The following CDKN2A variants were observed in gnomAD, a reference collection of about 807,000 sequenced individuals.
CDKN2A encodes cyclin dependent kinase inhibitor 2A, also known as cyclin-dependent kinase inhibitor 2A.
CDKN2A carries 3 observed loss-of-function variants against 11.1 expected under a neutral mutation model. That is an observed-to-expected ratio of 0.27 (90% CI 0.12 to 0.70). CDKN2A has a LOEUF of 0.70. Ranked by LOEUF, CDKN2A falls within the 30% of genes least tolerant of loss-of-function variation. The probability of loss-of-function intolerance (pLI) is 0.77; values close to 1 mark genes in which losing one functional copy is unlikely to be tolerated. For synonymous variants in CDKN2A, 122 were observed against 108.1 expected, an observed-to-expected ratio of 1.13 and a Z score of -0.80; for missense variants, 265 against 233.6, an observed-to-expected ratio of 1.13 and a Z score of -0.88.
chr9:21,976,164 A>C (rs1184100149), upstream of CDKN2A, among the ~76,000 whole-genome samples: 1 of 152,092 alleles, frequency 6.6e-6, no homozygotes, highest in African/African-American at 2.4e-5. Context: ...AGATCACCTG[A>C]GGTCAGGAGT....
At chr9:21,992,165 G>T in intron 2 of CDKN2A, 1 of 803,740 alleles carries the variant, frequency 1.2e-6, no homozygotes, top group Non-Finnish European at 1.5e-6. Context: ...CATCTTATTT[G>T]CAATGATATT....
rs1309311494 is a variant in CDKN2A at position 21,991,675 on chromosome 9, AAT to A, written c.-4+2205_-4+2206del. ...TGATAGTGATGAACTAACGTGGAAT[AAT>A]AGATCTGTAAACCATCATAGACGGT... On this transcript the variant is annotated intron_variant, in intron 2 of 3. Coordinates refer to the CDKN2A transcript ENST00000494262. The surrounding 1 kb of genome is among the most constrained non-coding windows in gnomAD (Gnocchi z 5.2). 27 of 984,730 alleles carry A rather than the reference AAT, an allele frequency of 2.7e-5. No homozygotes were observed. Among genetic ancestry groups the A allele is most frequent in the Admixed American group, 2.5e-4 (4 of 16,292 alleles). 61.0% of individuals were successfully genotyped at this position (984,730 alleles called of 1,614,324 possible).
At chr9:21,994,555 T>A in intron 1 of CDKN2A, 4 of 1,084,382 alleles carry the variant, frequency 3.7e-6, no homozygotes, top group Non-Finnish European at 4.9e-6. Flanking sequence ...ACCTCCAAGA[T>A]CTCGGAACGG....
At chr9:21,990,941 G>A (rs1363749507) in intron 2 of CDKN2A, among the ~76,000 whole-genome samples, 1 of 152,156 alleles carries the variant, frequency 6.6e-6, no homozygotes, top group Admixed American at 6.5e-5. Flanking sequence ...TTTCTTGATG[G>A]TGAAGTGTTT....
Position 21,991,072 on chromosome 9 carries a change from T to G in CDKN2A, c.-4+2810A>C, listed in dbSNP as rs531349183. ...ATATTCAATGTAAAAATTTTATATT[T>G]AGAAAATGAAACTGTACCCATTGTT... On this transcript the variant is annotated intron_variant, in intron 2 of 3. Transcript: ENST00000494262. This position sits in a 1 kb window ranked among gnomAD's most constrained non-coding sequence, Gnocchi z 5.2. 9.3e-4 allele frequency among the ~76,000 whole-genome samples: 142 copies of G among 152,344 alleles called. No homozygotes were observed. Among genetic ancestry groups the G allele is most frequent in the African/African-American group, 3.4e-3 (140 of 41,576 alleles).
At chr9:21,970,752 T>C (rs1240310069) in intron 2 of CDKN2A, 150 bp downstream of exon 2, 3 of 962,142 alleles carry the variant, frequency 3.1e-6, no homozygotes, top group Non-Finnish European at 4.8e-6. Flanking sequence ...GGCAGGGCGA[T>C]AGGGAGACTC....
At chr9:21,976,497 C>T (rs1308490009), upstream of CDKN2A, among the ~76,000 whole-genome samples, 2 of 152,114 alleles carry the variant, frequency 1.3e-5, no homozygotes. Flanking sequence ...AGGCGGATCA[C>T]CTGAGGCCAG....
chr9:21,975,435 C>T (rs545046728), upstream of CDKN2A, among the ~76,000 whole-genome samples: 1 of 152,196 alleles, frequency 6.6e-6, no homozygotes, highest in African/African-American at 2.4e-5. Context: ...CACCGAGAAT[C>T]GAAATCACCT....
intron 2 of CDKN2A, among the ~76,000 whole-genome samples, chr9:21,984,587 T>G (rs1159074602): frequency 6.6e-6 from 1 of 152,072 alleles, no homozygotes; most frequent in Non-Finnish European, 1.5e-5. Flanking sequence ...ATGCTGCTGA[T>G]GTACGCATGT....
At chr9:21,979,593 A>G (rs1820126883), upstream of CDKN2A, among the ~76,000 whole-genome samples, 2 of 152,194 alleles carry the variant, frequency 1.3e-5, no homozygotes, top group African/African-American at 4.8e-5. Context: ...GGAGGGAGAA[A>G]AGGTCAGAAC....
chr9:21,971,293 A>T, intron 1 of CDKN2A, 85 bp from the exon 2 acceptor site: 1 of 1,538,616 alleles, frequency 6.5e-7, no homozygotes, highest in Non-Finnish European at 8.7e-7. Flanking sequence ...CTCACCGCCA[A>T]GCAGACCCCC....
chr9:21,968,551 TA>T lies in CDKN2A; in HGVS notation c.458-310del. ...TTGCAAGAAGAAAACGAGTGTTATA[TA>T]ATGAGTCTCAGTGGTTGCTCACAAT... On this transcript the variant is annotated intron_variant, in intron 2 of 2. Transcript: ENST00000304494. The surrounding 1 kb of genome is among the most constrained non-coding windows in gnomAD (Gnocchi z 4.7). 6.9e-7 allele frequency: 1 copy of T among 1,457,440 alleles called. No homozygotes were observed. Among genetic ancestry groups the T allele is most frequent in the Non-Finnish European group, 9.0e-7 (1 of 1,112,700 alleles). The allele number at this position is 1,457,440 out of a possible 1,614,324, so 90.3% of individuals were successfully genotyped here. A position where few individuals can be genotyped will look rare whatever the true frequency, so the allele number is the denominator to read the frequency against.
chr9:21,971,244 G>A, intron 1 of CDKN2A, 36 bp from the exon 2 acceptor site: 1 of 1,585,002 alleles, frequency 6.3e-7, no homozygotes, highest in East Asian at 2.3e-5. Context: ...AGCCAGGGTG[G>A]GGGCCGGCAT....
In CDKN2A at chr9:21,974,753, T is replaced by A. The variant is rs980682752; in HGVS notation, c.75A>T (p.Val25=). The A allele has an allele frequency of 6.2e-7, 1 of 1,610,628 alleles. No individual in the cohort carries two copies. The part of the protein sequence containing the change: ...WLATAAARGR[V]EEVRALLEAG... ...CCTCCAGCAGCGCCCGCACCTCCTC[T>A]ACCCGACCCCGGGCCGCGGCCGTGG... Residue 25 remains valine, a synonymous_variant, in exon 1 of 3, where the codon GTA becomes GTT. Coordinates refer to ENST00000304494, the MANE Select transcript of CDKN2A (RefSeq NM_000077.5). The surrounding 1 kb of genome is among the most constrained non-coding windows in gnomAD (Gnocchi z 5.2).
chr9:21,993,890 G>A, exon 2 of CDKN2A: 1 of 572,604 alleles, frequency 1.7e-6, no homozygotes, highest in Non-Finnish European at 3.1e-6. Context: ...ACTGACTTCT[G>A]AGGTGGGTTT....
At chr9:21,981,748 C>A (rs1257547629) in intron 2 of CDKN2A, among the ~76,000 whole-genome samples, 1 of 151,912 alleles carries the variant, frequency 6.6e-6, no homozygotes, top group Non-Finnish European at 1.5e-5. Flanking sequence ...GAAGCTGCCC[C>A]GGATAAAAAT....
Position 21,970,805 on chromosome 9 carries a change from A to G in CDKN2A, c.457+97T>C. On this transcript the variant is annotated intron_variant, in intron 2 of 2. Transcript: ENST00000304494. ...GGCGCGTGAGCTGAGGCAAGACCGGAGACTGGTCTCCCGGGCTGAACTTTC... is the reference window on the plus strand; with the variant it reads ...GGCGCGTGAGCTGAGGCAAGACCGGGGACTGGTCTCCCGGGCTGAACTTTC... 8 of 1,456,466 alleles carry G rather than the reference A, an allele frequency of 5.5e-6. No individual in the cohort carries two copies. In the South Asian group the frequency reaches 8.2e-5, roughly 15 times the overall value. The allele number at this position is 1,456,466 out of a possible 1,614,324, so 90.2% of individuals were successfully genotyped here.
In CDKN2A at chr9:21,991,523, T is replaced by G. The variant is rs779540645; in HGVS notation, c.-4+2359A>C. 171 of 333,488 alleles carry G rather than the reference T, an allele frequency of 5.1e-4. No homozygotes were observed. Among genetic ancestry groups the G allele is most frequent in the South Asian group, 1.2e-3 (10 of 8,312 alleles). The allele number at this position is 333,488 out of a possible 1,614,324, so 20.7% of individuals were successfully genotyped here. On this transcript the variant is annotated intron_variant, in intron 2 of 3. Coordinates refer to the CDKN2A transcript ENST00000494262. This position sits in a 1 kb window ranked among gnomAD's most constrained non-coding sequence, Gnocchi z 5.2. ...TTCTCCAAGGACTTTTGAAAAAGTG[T>G]AAAAGCACTGGGCCCACTGTTGAAC...
intron 2 of CDKN2A, among the ~76,000 whole-genome samples, chr9:21,981,631 C>CTT (rs5896958): frequency 0.016 from 2,362 of 145,862 alleles, 57 homozygotes; most frequent in African/African-American, 0.049. Flanking sequence ...GAAAAAATGA[C>CTT]TTTTTTTTTT....
Sources: gnomAD v4.1 joint callset for allele counts (sites outside exome capture counted in the v4.1 genomes callset) on GRCh38, gnomAD v4.1.1 for gene constraint, Gnocchi (gnomAD v3.1) non-coding constraint, MANE v1.5 for transcripts, NCBI Gene and HGNC (gene_info 2026-07-23, HGNC 2026-07-21) for gene names.